The following PRKN variants were observed in gnomAD, a reference collection of about 807,000 sequenced individuals.
PRKN encodes E3 ubiquitin-protein ligase parkin.
PRKN carries 56 observed loss-of-function variants against 59.5 expected under a neutral mutation model. The observed-to-expected ratio is 0.94, with a 90% CI of 0.76 to 1.18. The LOEUF (loss-of-function observed/expected upper bound fraction) is 1.18, where lower values mean the gene tolerates loss of function less well. Ranked by LOEUF, PRKN falls within the 50% of genes most tolerant of loss-of-function variation. The probability of loss-of-function intolerance (pLI) is 0.00; values close to 1 mark genes in which losing one functional copy is unlikely to be tolerated. For missense variants in PRKN, 657 were observed against 596.4 expected (o/e 1.10, Z -1.06); for synonymous variants, 250 against 222.1 (o/e 1.13, Z -1.12).
intron 6 of PRKN, among the ~76,000 whole-genome samples, chr6:161,851,292 AC>A (rs574387257): frequency 6.2e-4 from 95 of 152,206 alleles, no homozygotes; most frequent in African/African-American, 2.2e-3. Context: ...GAAGACCCTC[AC>A]CAGATGCAGG....
At chr6:161,615,624 C>A (rs9347527) in intron 7 of PRKN, among the ~76,000 whole-genome samples, 1 of 152,140 alleles carries the variant, frequency 6.6e-6, no homozygotes, top group Admixed American at 6.5e-5. Flanking sequence ...GCAACGTGGG[C>A]TGCCAGGACC....
chr6:162,509,198 C>T (rs578053880), intron 1 of PRKN, among the ~76,000 whole-genome samples: 15 of 152,252 alleles, frequency 9.9e-5, no homozygotes, highest in South Asian at 6.2e-4. Context: ...CATTAAACCC[C>T]GAGTTTGCCT....
chr6:162,345,385 A>C (rs1784354108), intron 2 of PRKN, among the ~76,000 whole-genome samples: 1 of 152,234 alleles, frequency 6.6e-6, no homozygotes. Context: ...AGCAACAAGT[A>C]TGCATCCTTT....
chr6:161,626,902 C>A (rs1321223801), intron 7 of PRKN, among the ~76,000 whole-genome samples: 1 of 152,112 alleles, frequency 6.6e-6, no homozygotes. Context: ...GTCCTGCTCG[C>A]AGACGATTAA....
chr6:162,398,488 G>A lies in PRKN; in HGVS notation c.171+44822C>T, dbSNP rs138535685. On this transcript the variant is annotated intron_variant, in intron 2 of 11. Coordinates refer to ENST00000366898, the MANE Select transcript of PRKN (RefSeq NM_004562.3). ...TCACTGAAACCTCTGCCTCCTGGGT[G>A]CAAGCGATTCTCCTGCCTCAGCCTC... Among the ~76,000 whole-genome samples the A allele has an allele frequency of 6.6e-3, 1,007 of 151,978 alleles. 8 individuals carry two copies. The highest frequency in any genetic ancestry group is 0.014 in the Middle Eastern group (4 of 294).
intron 4 of PRKN, among the ~76,000 whole-genome samples, chr6:162,094,476 C>T (rs1045000024): frequency 9.2e-5 from 14 of 151,716 alleles, no homozygotes; most frequent in Non-Finnish European, 2.9e-5. Flanking sequence ...AGAGGAAGAC[C>T]CTGTCTTAGG....
intron 2 of PRKN, among the ~76,000 whole-genome samples, chr6:162,342,592 C>A (rs746774539): frequency 6.6e-6 from 1 of 152,010 alleles, no homozygotes; most frequent in Non-Finnish European, 1.5e-5. Flanking sequence ...TTAATTGACA[C>A]GACAAATAAT....
At chr6:162,119,151 G>A (rs1454875337) in intron 4 of PRKN, among the ~76,000 whole-genome samples, 14 of 152,100 alleles carry the variant, frequency 9.2e-5, no homozygotes, top group Non-Finnish European at 1.3e-4. Flanking sequence ...CAAAGAAAAA[G>A]CACACTTTTT....
intron 2 of PRKN, among the ~76,000 whole-genome samples, chr6:162,341,068 C>T (rs1420089799): frequency 1.3e-5 from 2 of 151,248 alleles, no homozygotes; most frequent in Admixed American, 6.6e-5. Context: ...AACAAATTTA[C>T]AAGGGAAAAA....
intron 7 of PRKN, among the ~76,000 whole-genome samples, chr6:161,663,978 G>C (rs1418775726): frequency 2.6e-5 from 4 of 152,158 alleles, no homozygotes; most frequent in African/African-American, 7.2e-5. Context: ...GTGCTCCCGG[G>C]AGCTCCGCTA....
chr6:162,448,762 C>T (rs1300121528), intron 1 of PRKN, among the ~76,000 whole-genome samples: 1 of 152,040 alleles, frequency 6.6e-6, no homozygotes, highest in Non-Finnish European at 1.5e-5. Flanking sequence ...CTCCCAAATC[C>T]TTATTTCCAG....
chr6:162,519,430 T>C (rs1778000030), intron 1 of PRKN, among the ~76,000 whole-genome samples: 1 of 152,150 alleles, frequency 6.6e-6, no homozygotes, highest in East Asian at 1.9e-4. Flanking sequence ...TAGCTTTATT[T>C]TGGGCTTTGT....
intron 6 of PRKN, among the ~76,000 whole-genome samples, chr6:161,902,560 A>T (rs369741494): frequency 0.35 from 42,925 of 121,054 alleles, 8,647 homozygotes; most frequent in African/African-American, 0.42. Context: ...TTATTTATTT[A>T]TTTATTTTTT....
intron 6 of PRKN, among the ~76,000 whole-genome samples, chr6:161,802,157 A>C (rs774087920): frequency 8.5e-5 from 13 of 152,112 alleles, no homozygotes; most frequent in Non-Finnish European, 1.3e-4. Context: ...TTATTCTCCA[A>C]ACAGCAACCA....
intron 9 of PRKN, among the ~76,000 whole-genome samples, chr6:161,510,127 A>C (rs1308208049): frequency 6.6e-6 from 1 of 152,126 alleles, no homozygotes; most frequent in Non-Finnish European, 1.5e-5. Context: ...TTTACACATG[A>C]ACACTTTTAT....
chr6:161,714,378 A>G lies in PRKN; in HGVS notation c.871+71394T>C, dbSNP rs138003991. 1.6e-3 allele frequency among the ~76,000 whole-genome samples: 238 copies of G among 152,244 alleles called. 1 individual carries two copies. The highest frequency in any genetic ancestry group is 4.9e-3 in the African/African-American group (205 of 41,540). On this transcript the variant is annotated intron_variant, in intron 7 of 11. Transcript: ENST00000366898. The stretch of plus-strand genomic sequence containing the variant: ...CTCCTCCCCCATGAATGGGATTTAG[A>G]TACTTATAAAAGAGGCTTTACTCCG...
intron 1 of PRKN, among the ~76,000 whole-genome samples, chr6:162,651,369 C>A (rs1470671607): frequency 6.6e-6 from 1 of 152,148 alleles, no homozygotes; most frequent in Non-Finnish European, 1.5e-5. Flanking sequence ...CTCTGTAAGT[C>A]TGAAAATAAG....
rs187928158 is a variant in PRKN, at chr6:162,613,516, C to T, written c.7+114146G>A. On this transcript the variant is annotated intron_variant, in intron 1 of 11. Transcript: ENST00000366898. ...GGCAGCCACAGGTGCAGTTGTTTAA[C>T]GGTGAGCTGCCTGTAGAGTATAACC... Among the ~76,000 whole-genome samples the T allele has an allele frequency of 3.9e-5, 6 of 152,272 alleles. No individual in the cohort carries two copies. The South Asian group carries it at 8.3e-4, about 21-fold the overall frequency.
intron 10 of PRKN, among the ~76,000 whole-genome samples, chr6:161,374,941 A>G (rs1196894605): frequency 6.6e-6 from 1 of 152,112 alleles, no homozygotes; most frequent in East Asian, 1.9e-4. Context: ...CTGGAATCCA[A>G]AAGCCTTCAG....
Sources: allele counts gnomAD v4.1 joint callset (sites outside exome capture counted in the v4.1 genomes callset), GRCh38; gene constraint gnomAD v4.1.1; transcripts MANE v1.5; gene names NCBI Gene and HGNC (gene_info 2026-07-23, HGNC 2026-07-21).